The following LONRF1 variants were observed in gnomAD, a reference collection of about 807,000 sequenced individuals.
LONRF1 encodes the protein LON peptidase N-terminal domain and ring finger 1, also known as LON peptidase N-terminal domain and RING finger protein 1.
In LONRF1, 37 loss-of-function variants were observed where a neutral mutation model predicts 85.8. The observed-to-expected ratio is 0.43, with a 90% CI of 0.33 to 0.57. The LOEUF (loss-of-function observed/expected upper bound fraction) is 0.57, where lower values mean the gene tolerates loss of function less well. Among genes scored for constraint, LONRF1 ranks in the 20% least tolerant of loss-of-function variants. The pLI, the probability that LONRF1 is intolerant of heterozygous loss-of-function variation, is 0.04. For missense variants in LONRF1, 1,036 were observed against 978.0 expected, an observed-to-expected ratio of 1.06 and a Z score of -0.79; for synonymous variants, 517 against 390.1, an observed-to-expected ratio of 1.33 and a Z score of -3.83.
chr8:12,750,188 G>C (rs964957814), intron 1 of LONRF1, among the ~76,000 whole-genome samples: 2 of 152,158 alleles, frequency 1.3e-5, no homozygotes, highest in African/African-American at 4.8e-5. Flanking sequence ...TATCTCACAT[G>C]AGTTTGTGTA....
intron 1 of LONRF1, among the ~76,000 whole-genome samples, chr8:12,752,792 C>T (rs995860259): frequency 2.6e-5 from 4 of 152,190 alleles, no homozygotes; most frequent in Admixed American, 2.6e-4. Flanking sequence ...TTGTGAAACC[C>T]CTAATTCAAG....
chr8:12,741,791 G>A (rs1393639701), intron 2 of LONRF1, among the ~76,000 whole-genome samples: 2 of 152,118 alleles, frequency 1.3e-5, no homozygotes, highest in Non-Finnish European at 2.9e-5. Flanking sequence ...TTATAGACAT[G>A]ACACTTTTCA....
chr8:12,747,237 G>C (rs188790439), intron 1 of LONRF1, among the ~76,000 whole-genome samples: 312 of 152,296 alleles, frequency 2.0e-3, no homozygotes, highest in Middle Eastern at 3.4e-3. Context: ...GTCTTCGGCT[G>C]TCCAAAGCAT....
chr8:12,723,285 T>G, intron 11 of LONRF1, 31 bp from the exon 12 acceptor site: 1 of 1,569,088 alleles, frequency 6.4e-7, no homozygotes, highest in Non-Finnish European at 8.6e-7. Flanking sequence ...ATAGCATTAA[T>G]AAAACAAGGA....
chr8:12,742,457 T>C (rs1360202685), intron 2 of LONRF1, among the ~76,000 whole-genome samples: 1 of 152,206 alleles, frequency 6.6e-6, no homozygotes, highest in Non-Finnish European at 1.5e-5. Context: ...TTTGTCCCTA[T>C]CTTCTGAATT....
At chr8:12,750,846 G>C (rs542228829) in intron 1 of LONRF1, among the ~76,000 whole-genome samples, 1 of 152,260 alleles carries the variant, frequency 6.6e-6, no homozygotes, top group South Asian at 2.1e-4. Context: ...GCAAGGTTTA[G>C]ATTCCACTTT....
intron 6 of LONRF1, among the ~76,000 whole-genome samples, chr8:12,736,463 CAAT>C (rs915317993): frequency 1.4e-4 from 21 of 152,132 alleles, no homozygotes; most frequent in South Asian, 1.0e-3. Context: ...ATTCTCACAA[CAAT>C]GAGATGTAGG....
In LONRF1 at chr8:12,722,903, G is replaced by A. The variant is rs1805968175; in HGVS notation, c.*193C>T. Reference sequence around the variant, plus strand: ...ACACACATTCAATGCGTGTTTTTCTGTGCAAGTTCTTAGTGGTCTAAATCC... The same window carrying A: ...ACACACATTCAATGCGTGTTTTTCTATGCAAGTTCTTAGTGGTCTAAATCC... On this transcript the variant is annotated 3_prime_UTR_variant, in exon 12 of 12. Coordinates refer to ENST00000398246, the MANE Select transcript of LONRF1 (RefSeq NM_152271.5). 2 of 531,100 alleles carry A rather than the reference G, an allele frequency of 3.8e-6. No individual in the cohort carries two copies. The highest frequency in any genetic ancestry group is 1.9e-5 in the African/African-American group (1 of 52,642). The allele number at this position is 531,100 out of a possible 1,614,324, so 32.9% of individuals were successfully genotyped here.
At chr8:12,734,853 T>C (rs764299398) in intron 7 of LONRF1, among the ~76,000 whole-genome samples, 3 of 152,172 alleles carry the variant, frequency 2.0e-5, no homozygotes, top group Non-Finnish European at 2.9e-5. Context: ...ACAGCAAAGA[T>C]ATGGAACATT....
intron 10 of LONRF1, among the ~76,000 whole-genome samples, chr8:12,726,419 A>C (rs1410260336): frequency 3.3e-5 from 5 of 152,330 alleles, no homozygotes; most frequent in Middle Eastern, 6.8e-3. Flanking sequence ...TAGCATATAA[A>C]GCCAGTATGT....
In LONRF1 at chr8:12,754,706, G is replaced by T; in HGVS notation, c.715C>A (p.Arg239=). The T allele has an allele frequency of 7.3e-7, 1 of 1,376,048 alleles. No homozygotes were observed. The highest frequency in any genetic ancestry group is 1.7e-5 in the South Asian group (1 of 60,038). 85.2% of individuals were successfully genotyped at this position (1,376,048 alleles called of 1,614,324 possible). A position where few individuals can be genotyped will look rare whatever the true frequency, so the allele number is the denominator to read the frequency against. The change falls in exon 1 of 12, where the codon CGA becomes AGA. Residue 239 remains arginine (R), a synonymous_variant. Coordinates refer to ENST00000398246, the MANE Select transcript of LONRF1 (RefSeq NM_152271.5). ...CGCATCCCCGCGCGGTCACCTGCTC[G>T]CAGCGCCTCGCAGGCGGCGGCCAGG... ...EALAAACEAL[R]AEPSDLIVKI...
At chr8:12,749,089 T>C (rs1168977070) in intron 1 of LONRF1, among the ~76,000 whole-genome samples, 1 of 152,204 alleles carries the variant, frequency 6.6e-6, no homozygotes, top group Non-Finnish European at 1.5e-5. Flanking sequence ...ATAATGCATG[T>C]TAAACAGTTA....
At chr8:12,725,540 A>G (rs569321124) in intron 11 of LONRF1, among the ~76,000 whole-genome samples, 187 bp downstream of exon 11, 4 of 152,268 alleles carry the variant, frequency 2.6e-5, no homozygotes, top group Admixed American at 6.5e-5. Flanking sequence ...CTCTATCTGT[A>G]CGGAATGTAG....
At chr8:12,726,312 A>C (rs1469358770) in intron 10 of LONRF1, among the ~76,000 whole-genome samples, 1 of 151,938 alleles carries the variant, frequency 6.6e-6, no homozygotes, top group Admixed American at 6.6e-5. Context: ...ATGACATGAC[A>C]GAAAGTAGTA....
intron 2 of LONRF1, among the ~76,000 whole-genome samples, chr8:12,741,992 T>A (rs978197716): frequency 6.6e-6 from 1 of 152,188 alleles, no homozygotes; most frequent in African/African-American, 2.4e-5. Flanking sequence ...TGAAACAGAT[T>A]CTTAGTATTA....
chr8:12,753,092 A>G (rs6530969), intron 1 of LONRF1: 145,521 of 152,320 alleles, frequency 0.96, 69,857 homozygotes, highest in East Asian at 1. Flanking sequence ...CACCCAGAGA[A>G]GCAGAGTCAT....
chr8:12,728,803 A>G, intron 10 of LONRF1, 98 bp downstream of exon 10: 1 of 1,350,088 alleles, frequency 7.4e-7, no homozygotes, highest in Non-Finnish European at 1.0e-6. Flanking sequence ...CTGTCTGATA[A>G]GAACTGGTTC....
At chr8:12,739,810 T>C (rs941195149) in intron 3 of LONRF1, among the ~76,000 whole-genome samples, 2 of 152,182 alleles carry the variant, frequency 1.3e-5, no homozygotes, top group African/African-American at 4.8e-5. Flanking sequence ...ACCAAGAAGA[T>C]AACACTAACG....
intron 1 of LONRF1, chr8:12,753,885 T>C (rs984208186): frequency 6.6e-6 from 1 of 151,576 alleles, no homozygotes; most frequent in Non-Finnish European, 1.5e-5. Context: ...CAGAGAACTA[T>C]GGATCAGGCA....
Sources: gnomAD v4.1 joint callset for allele counts (sites outside exome capture counted in the v4.1 genomes callset) on GRCh38, gnomAD v4.1.1 for gene constraint, MANE v1.5 for transcripts, NCBI Gene and HGNC (gene_info 2026-07-23, HGNC 2026-07-21) for gene names.